The following DSCAM variants were observed in gnomAD, a reference collection of about 807,000 sequenced individuals.
The protein encoded by DSCAM is cell adhesion molecule DSCAM.
In DSCAM, 47 loss-of-function variants were observed where a neutral mutation model predicts 217.7. The ratio of observed to expected loss-of-function variants is 0.22; its 90% CI spans 0.17 to 0.28. The LOEUF (loss-of-function observed/expected upper bound fraction) is 0.28. DSCAM is among the 10% of genes least tolerant of loss of function. DSCAM has a pLI of 1.00. For synonymous variants in DSCAM, 1,056 were observed against 1,015.3 expected (o/e 1.04, Z -0.76); for missense variants, 2,080 against 2,618.3 (o/e 0.79, Z 4.49).
chr21:40,745,911 G>A (rs2146550833), intron 1 of DSCAM, among the ~76,000 whole-genome samples: 1 of 152,208 alleles, frequency 6.6e-6, no homozygotes, highest in South Asian at 2.1e-4. Context: ...ATGAACGTGT[G>A]TGGGATGGTG....
rs1186224886 is a variant in DSCAM at position 40,078,857 on chromosome 21, C to T, written c.4541G>A (p.Arg1514Lys). The change falls in exon 26 of 33, where the codon AGG becomes AAG. Residue 1514 changes from arginine to lysine, a missense_variant. Around this residue, in one of 5 missense-constraint regions of DSCAM, gnomAD observed 1,144 missense variants for 1,421.1 expected, o/e 0.81. Transcript: ENST00000400454. ...CPITSFTLEY[R>K]PFGTTVWTTA... The stretch of plus-strand genomic sequence containing the variant: ...GGTCCAAACTGTGGTCCCAAAGGGC[C>T]TGTACTCTAGTGTGAAGGAGGTGAT... 4 of 1,614,092 alleles carry T rather than the reference C, an allele frequency of 2.5e-6. No individual in the cohort carries two copies. The highest frequency in any genetic ancestry group is 3.4e-6 in the Non-Finnish European group (4 of 1,180,054).
rs543984730 is a variant in DSCAM, at chr21:40,435,521, A to T, written c.509-66276T>A. ...ATGAAAGTTTAAAAATTAATAAATAATACAAATTTAAAAACTGTATCTACC... is the reference window on the plus strand; with the variant it reads ...ATGAAAGTTTAAAAATTAATAAATATTACAAATTTAAAAACTGTATCTACC... On this transcript the variant is annotated intron_variant, in intron 3 of 32. Transcript: ENST00000400454. Among the ~76,000 whole-genome samples, 145 of 146,522 alleles carry T rather than the reference A, an allele frequency of 9.9e-4. 2 individuals carry two copies. The highest frequency in any genetic ancestry group is 3.3e-3 in the African/African-American group (133 of 39,998).
At position 40,093,697 on chromosome 21, in the gene DSCAM, G is replaced by T. The variant is rs746810562; in HGVS notation, c.3850+24C>A. On this transcript the variant is annotated intron_variant, in intron 21 of 32. Transcript: ENST00000400454. ...AAACAGTCAAGTTACAACAGGAAATGAGGTCCTTATAGCCACTGCCTACCT... is the reference window on the plus strand; with the variant it reads ...AAACAGTCAAGTTACAACAGGAAATTAGGTCCTTATAGCCACTGCCTACCT... 4.3e-6 allele frequency: 7 copies of T among 1,613,202 alleles called. No homozygotes were observed. In the African/African-American group the frequency reaches 6.7e-5, roughly 15 times the overall value.
rs910922274 is a variant in DSCAM, at chr21:40,105,300, A to C, written c.3697-11426T>G. Among the ~76,000 whole-genome samples, 3 of 152,250 alleles carry C rather than the reference A, an allele frequency of 2.0e-5. No individual in the cohort carries two copies. In the East Asian group the frequency reaches 5.8e-4, roughly 29 times the overall value. On this transcript the variant is annotated intron_variant, in intron 20 of 32. Coordinates refer to ENST00000400454, the MANE Select transcript of DSCAM (RefSeq NM_001389.5). ...AAATATAGCTTCAACAGAAAGATTG[A>C]GTAGTTATTGGCTTGTTCACTGTGT... is the stretch of plus-strand genomic sequence containing the variant.
chr21:40,309,785 T>A lies in DSCAM; in HGVS notation c.2062+2296A>T, dbSNP rs576705905. Reference sequence around the variant, plus strand: ...CCACTGCTTCTCATGACCTTAACATTAACACCTTCATCCAAGGCATTTTTA... The same window carrying A: ...CCACTGCTTCTCATGACCTTAACATAAACACCTTCATCCAAGGCATTTTTA... On this transcript the variant is annotated intron_variant, in intron 9 of 32. Transcript: ENST00000400454. 2.6e-5 allele frequency among the ~76,000 whole-genome samples: 4 copies of A among 152,334 alleles called. No homozygotes were observed. In the South Asian group the frequency reaches 8.3e-4, roughly 32 times the overall value.
chr21:40,064,304 C>T (rs1371500399), intron 27 of DSCAM, among the ~76,000 whole-genome samples: 2 of 151,984 alleles, frequency 1.3e-5, no homozygotes, highest in Non-Finnish European at 2.9e-5. Flanking sequence ...AGTAAACATC[C>T]CACTTCAGTT....
intron 3 of DSCAM, among the ~76,000 whole-genome samples, chr21:40,554,252 T>G (rs2076653608): frequency 1.3e-5 from 2 of 152,016 alleles, no homozygotes; most frequent in Admixed American, 6.6e-5. Flanking sequence ...TTAAAAACAT[T>G]TTAGAACATA....
At chr21:40,408,602 T>C (rs887125565) in intron 3 of DSCAM, among the ~76,000 whole-genome samples, 2 of 152,182 alleles carry the variant, frequency 1.3e-5, no homozygotes, top group Non-Finnish European at 2.9e-5. Flanking sequence ...CATTGGTTCT[T>C]GTAGGTTTCT....
At chr21:40,480,382 A>G (rs546390029) in intron 3 of DSCAM, among the ~76,000 whole-genome samples, 34 of 152,346 alleles carry the variant, frequency 2.2e-4, no homozygotes, top group Admixed American at 1.8e-3. Flanking sequence ...CTTCCCTTTA[A>G]AAATCTGAAC....
In DSCAM at chr21:40,554,255, A is replaced by C. The variant is rs75837003; in HGVS notation, c.508+138555T>G. ...GGATTAAACGAATTAAAAACATTTT[A>C]GAACATAACTGCAAACAATAAAATT... On this transcript the variant is annotated intron_variant, in intron 3 of 32. Transcript: ENST00000400454. 2.6e-5 allele frequency among the ~76,000 whole-genome samples: 4 copies of C among 151,386 alleles called. No homozygotes were observed. The South Asian group carries it at 8.3e-4, about 32-fold the overall frequency.
chr21:40,569,899 T>C lies in DSCAM; in HGVS notation c.508+122911A>G, dbSNP rs185022566. On this transcript the variant is annotated intron_variant, in intron 3 of 32. Transcript: ENST00000400454. ...AAAAATAATATATAGAACATAGAAT[T>C]AGCAAACAGCAGAAAAAAAAATTTG... Among the ~76,000 whole-genome samples the C allele has an allele frequency of 1.7e-4, 26 of 151,946 alleles. 1 individual carries two copies. The highest frequency in any genetic ancestry group is 5.8e-4 in the African/African-American group (24 of 41,472).
At chr21:40,055,643 A>G in intron 29 of DSCAM, 82 bp downstream of exon 29, 1 of 1,032,174 alleles carries the variant, frequency 9.7e-7, no homozygotes, top group Non-Finnish European at 1.5e-6. Flanking sequence ...CCTGTCTAAT[A>G]TTTCCCACAT....
At chr21:40,091,345 T>A (rs1329569657) in intron 21 of DSCAM, among the ~76,000 whole-genome samples, 1 of 152,082 alleles carries the variant, frequency 6.6e-6, no homozygotes, top group Non-Finnish European at 1.5e-5. Flanking sequence ...CAGGTCCCTG[T>A]CTTCCTTCCC....
At chr21:40,350,675 T>G (rs2074619838) in intron 5 of DSCAM, among the ~76,000 whole-genome samples, 1 of 151,752 alleles carries the variant, frequency 6.6e-6, no homozygotes, top group Non-Finnish European at 1.5e-5. Flanking sequence ...TCCACAGATA[T>G]CAAGGGTGCA....
rs2090285966 is a variant in DSCAM, at chr21:40,141,229, G to A, written c.3406+1329C>T. On this transcript the variant is annotated intron_variant, in intron 18 of 32. Coordinates refer to ENST00000400454, the MANE Select transcript of DSCAM (RefSeq NM_001389.5). ...CTGCCTGGTAGAACAGATCCAGGTG[G>A]TCCTGAGCAGGGAAGGGATAGGTCC... Among the ~76,000 whole-genome samples the A allele has an allele frequency of 2.0e-5, 3 of 152,216 alleles. No individual in the cohort carries two copies. The South Asian group carries it at 6.2e-4, about 32-fold the overall frequency.
chr21:40,115,745 C>G (rs1349953474), intron 20 of DSCAM, among the ~76,000 whole-genome samples: 1 of 152,126 alleles, frequency 6.6e-6, no homozygotes, highest in African/African-American at 2.4e-5. Context: ...GACAGTGTGG[C>G]AACTCCTCAA....
rs143382696 is a variant in DSCAM, at chr21:40,213,986, A to G, written c.2357-24748T>C. 2.0e-4 allele frequency among the ~76,000 whole-genome samples: 30 copies of G among 152,350 alleles called. No homozygotes were observed. The East Asian group carries it at 5.6e-3, about 28-fold the overall frequency. Reference sequence around the variant, plus strand: ...CAAATCCACACCTACATGGTGAGGAATAAAGGGAGACAAACTCATTGGAGT... The same window carrying G: ...CAAATCCACACCTACATGGTGAGGAGTAAAGGGAGACAAACTCATTGGAGT... On this transcript the variant is annotated intron_variant, in intron 11 of 32. Transcript: ENST00000400454.
chr21:40,804,228 T>A (rs2091767180), intron 1 of DSCAM, among the ~76,000 whole-genome samples: 1 of 152,116 alleles, frequency 6.6e-6, no homozygotes, highest in African/African-American at 2.4e-5. Context: ...TGGAGTGTGG[T>A]TCAGAATCAG....
At chr21:40,167,029 A>G (rs887932712) in intron 16 of DSCAM, among the ~76,000 whole-genome samples, 189 bp downstream of exon 16, 1 of 152,090 alleles carries the variant, frequency 6.6e-6, no homozygotes, top group Non-Finnish European at 1.5e-5. Flanking sequence ...TCTGAGACAC[A>G]GAATTTGCTG....
Sources: gnomAD v4.1 joint callset for allele counts (sites outside exome capture counted in the v4.1 genomes callset) on GRCh38, gnomAD v4.1.1 for gene constraint, gnomAD v4.1.1 regional missense constraint, MANE v1.5 for transcripts, NCBI Gene and HGNC (gene_info 2026-07-23, HGNC 2026-07-21) for gene names.